Variants in CTNNA2 observed in about 807,000 individuals in gnomAD.
The protein encoded by CTNNA2 is catenin alpha 2.
Under a neutral mutation model 101.0 loss-of-function variants are expected in CTNNA2, and 42 were observed. The observed-to-expected ratio is 0.42, with a 90% CI of 0.32 to 0.54. The LOEUF is 0.54. CTNNA2 is among the 20% of genes least tolerant of loss of function. CTNNA2 has a pLI of 0.14. For missense variants in CTNNA2, 871 were observed against 1,223.1 expected (o/e 0.71, Z 4.29); for synonymous variants, 450 against 456.4 (o/e 0.99, Z 0.18).
intron 7 of CTNNA2, among the ~76,000 whole-genome samples, chr2:79,993,897 TG>T (rs1487003203): frequency 1.3e-5 from 2 of 152,146 alleles, no homozygotes; most frequent in Admixed American, 1.3e-4. Context: ...TTTTGTTTTT[TG>T]TTTTGTTTTG....
chr2:80,541,592 T>TA (rs1427945993), intron 9 of CTNNA2, among the ~76,000 whole-genome samples: 1 of 152,168 alleles, frequency 6.6e-6, no homozygotes, highest in Admixed American at 6.5e-5. Flanking sequence ...TTCCTTCTGT[T>TA]AGAGTCCAGC....
chr2:80,131,877 T>G (rs1022004483), intron 7 of CTNNA2, among the ~76,000 whole-genome samples: 4 of 152,124 alleles, frequency 2.6e-5, no homozygotes, highest in African/African-American at 2.4e-5. Context: ...AGACAGGAGT[T>G]CGAGACCAGC....
chr2:80,601,187 C>A (rs1447228775), intron 15 of CTNNA2, among the ~76,000 whole-genome samples: 1 of 152,028 alleles, frequency 6.6e-6, no homozygotes, highest in Non-Finnish European at 1.5e-5. Flanking sequence ...TCTGTCATTT[C>A]TTTGGGTTTT....
intron 18 of CTNNA2, among the ~76,000 whole-genome samples, chr2:80,629,130 C>A (rs1672006247): frequency 6.6e-6 from 1 of 151,962 alleles, no homozygotes; most frequent in Admixed American, 6.6e-5. Context: ...TTTTTGTTAT[C>A]TTCTCTCCCC....
chr2:79,989,783 G>C (rs566776430), intron 7 of CTNNA2, among the ~76,000 whole-genome samples: 5 of 152,292 alleles, frequency 3.3e-5, no homozygotes, highest in African/African-American at 1.2e-4. Context: ...AACTGGATCA[G>C]ATCAAATCTC....
At chr2:79,749,159 A>G (rs948791892) in intron 3 of CTNNA2, among the ~76,000 whole-genome samples, 4 of 152,066 alleles carry the variant, frequency 2.6e-5, no homozygotes, top group South Asian at 4.2e-4. Flanking sequence ...CCCATGTTCC[A>G]TGGGCTGGGC....
At chr2:79,692,519 G>A (rs1006564470) in intron 2 of CTNNA2, among the ~76,000 whole-genome samples, 1 of 151,876 alleles carries the variant, frequency 6.6e-6, no homozygotes, top group Non-Finnish European at 1.5e-5. Context: ...CCCATTACTG[G>A]GATTGGTAAA....
chr2:79,905,101 T>C (rs1301931357), intron 6 of CTNNA2, among the ~76,000 whole-genome samples: 1 of 152,192 alleles, frequency 6.6e-6, no homozygotes. Flanking sequence ...GTGGCTGTTA[T>C]CTTTATGTCC....
intron 4 of CTNNA2, among the ~76,000 whole-genome samples, chr2:79,380,865 G>A (rs1248743462): frequency 6.6e-6 from 1 of 152,134 alleles, no homozygotes; most frequent in Non-Finnish European, 1.5e-5. Flanking sequence ...CTGCAGTCCA[G>A]TATGCCTGAA....
intron 3 of CTNNA2, among the ~76,000 whole-genome samples, chr2:79,783,220 G>A (rs1370477881): frequency 6.6e-6 from 1 of 152,146 alleles, no homozygotes; most frequent in Non-Finnish European, 1.5e-5. Context: ...GCCAATGGTG[G>A]CCAGGGACAG....
At chr2:79,889,400 C>A (rs1684145291) in intron 6 of CTNNA2, among the ~76,000 whole-genome samples, 1 of 152,096 alleles carries the variant, frequency 6.6e-6, no homozygotes, top group Admixed American at 6.5e-5. Context: ...TGTAGAAAAA[C>A]AATTACTCAT....
intron 7 of CTNNA2, chr2:80,305,280 A>G (rs1024249373): frequency 2.0e-6 from 2 of 985,162 alleles, no homozygotes; most frequent in African/African-American, 3.5e-5. Context: ...TAGTTTGGGA[A>G]GCCATCCAAG....
intron 7 of CTNNA2, among the ~76,000 whole-genome samples, chr2:79,992,230 A>C (rs1692231992): frequency 6.6e-6 from 1 of 152,204 alleles, no homozygotes; most frequent in African/African-American, 2.4e-5. Flanking sequence ...CCACATTTAT[A>C]TTCATTTGAA....
chr2:79,415,094 C>A (rs1678463352), intron 4 of CTNNA2, among the ~76,000 whole-genome samples: 1 of 152,100 alleles, frequency 6.6e-6, no homozygotes, highest in Non-Finnish European at 1.5e-5. Flanking sequence ...AAAAGTGATC[C>A]TCAGTGTTGG....
chr2:80,387,920 C>T (rs973957041), intron 7 of CTNNA2, among the ~76,000 whole-genome samples: 4 of 152,166 alleles, frequency 2.6e-5, no homozygotes, highest in Non-Finnish European at 4.4e-5. Flanking sequence ...AGAGTAGTCC[C>T]GCCTGGCTTC....
intron 7 of CTNNA2, among the ~76,000 whole-genome samples, chr2:80,071,617 G>C (rs933676037): frequency 2.0e-5 from 3 of 152,200 alleles, no homozygotes; most frequent in Admixed American, 6.5e-5. Context: ...CACCCAGACT[G>C]ATAAGTCATT....
chr2:80,024,882 G>C (rs1444695604), intron 7 of CTNNA2, among the ~76,000 whole-genome samples: 2 of 152,184 alleles, frequency 1.3e-5, no homozygotes, highest in Non-Finnish European at 2.9e-5. Context: ...CTGGTGTCCA[G>C]GAAGAATTAG....
intron 7 of CTNNA2, among the ~76,000 whole-genome samples, chr2:80,223,563 T>C (rs1300856479): frequency 6.6e-6 from 1 of 152,176 alleles, no homozygotes; most frequent in African/African-American, 2.4e-5. Flanking sequence ...CGTGAGCCAC[T>C]GCGCCTGGCC....
chr2:79,527,312 G>A (rs752658306), intron 1 of CTNNA2, among the ~76,000 whole-genome samples: 3 of 151,636 alleles, frequency 2.0e-5, no homozygotes, highest in Non-Finnish European at 4.4e-5. Context: ...TGAAATACGA[G>A]ATCACACCTG....
Sources: allele counts gnomAD v4.1 joint callset (sites outside exome capture counted in the v4.1 genomes callset), GRCh38; gene constraint gnomAD v4.1.1; transcripts MANE v1.5; gene names NCBI Gene and HGNC (gene_info 2026-07-23, HGNC 2026-07-21).